Variants in KCNK9 observed in about 807,000 individuals in gnomAD.
The protein encoded by KCNK9 is potassium channel subfamily K member 9.
KCNK9 carries 1 observed loss-of-function variant against 10.8 expected under a neutral mutation model. That is an observed-to-expected ratio of 0.09 (90% CI 0.03 to 0.44). KCNK9 has a LOEUF of 0.44. Ranked by LOEUF, KCNK9 falls within the 20% of genes least tolerant of loss-of-function variation. KCNK9 has a pLI of 0.97. For synonymous variants in KCNK9, 231 were observed against 222.7 expected, an observed-to-expected ratio of 1.04 and a Z score of -0.33; for missense variants, 303 against 515.0, an observed-to-expected ratio of 0.59 and a Z score of 3.98.
At chr8:139,659,150 C>T (rs1300287817) in intron 1 of KCNK9, among the ~76,000 whole-genome samples, 1 of 152,248 alleles carries the variant, frequency 6.6e-6, no homozygotes, top group African/African-American at 2.4e-5. Flanking sequence ...AGAAACCGCT[C>T]TGGGACCTAA....
chr8:139,638,881 G>C (rs1815415270), intron 1 of KCNK9, among the ~76,000 whole-genome samples: 1 of 152,146 alleles, frequency 6.6e-6, no homozygotes, highest in South Asian at 2.1e-4. Context: ...AGGAGGCCTG[G>C]AGCGAGTCCA....
intron 1 of KCNK9, among the ~76,000 whole-genome samples, chr8:139,653,697 C>T (rs199991116): frequency 1.3e-5 from 2 of 152,196 alleles, no homozygotes; most frequent in East Asian, 3.9e-4. Flanking sequence ...AAACGCAAAT[C>T]AGACAACACA....
At chr8:139,615,381 T>C (rs1814554204), downstream of KCNK9, among the ~76,000 whole-genome samples, 1 of 152,176 alleles carries the variant, frequency 6.6e-6, no homozygotes, top group Non-Finnish European at 1.5e-5. Context: ...TGGGCATCTC[T>C]GTTTAGTGCT....
At chr8:139,608,553 G>A (rs149837075), downstream of KCNK9, among the ~76,000 whole-genome samples, 1 of 149,914 alleles carries the variant, frequency 6.7e-6, no homozygotes, top group African/African-American at 2.4e-5. Flanking sequence ...AGTGTGGGAG[G>A]GTTCAGCAGA....
chr8:139,679,025 G>T (rs1221501516), intron 1 of KCNK9, among the ~76,000 whole-genome samples: 1 of 152,196 alleles, frequency 6.6e-6, no homozygotes, highest in Non-Finnish European at 1.5e-5. Flanking sequence ...GTTAGGGTTT[G>T]CTTTGTTTTT....
chr8:139,665,500 C>G (rs1302343871), intron 1 of KCNK9, among the ~76,000 whole-genome samples: 1 of 152,234 alleles, frequency 6.6e-6, no homozygotes, highest in Admixed American at 6.5e-5. Flanking sequence ...TTAATTCCCC[C>G]TTGCTATGGA....
At chr8:139,660,868 T>G (rs7822827) in intron 1 of KCNK9, among the ~76,000 whole-genome samples, 38,034 of 151,954 alleles carry the variant, frequency 0.25, 5,118 homozygotes, top group South Asian at 0.36. Context: ...GCCTAAGAGC[T>G]AGCTGGTAGA....
At chr8:139,697,011 G>A (rs954973363) in intron 1 of KCNK9, among the ~76,000 whole-genome samples, 3 of 151,402 alleles carry the variant, frequency 2.0e-5, no homozygotes, top group Admixed American at 2.0e-4. Context: ...ATGGGTGGAC[G>A]GATGGATGGT....
At chr8:139,606,756 G>T (rs749911426) in intron 2 of KCNK9, among the ~76,000 whole-genome samples, 2 of 152,126 alleles carry the variant, frequency 1.3e-5, no homozygotes, top group African/African-American at 4.8e-5. Flanking sequence ...TCTCTGTCCC[G>T]TGTCTCTGTT....
chr8:139,604,156 G>A (rs1417717848), intron 2 of KCNK9, among the ~76,000 whole-genome samples: 1 of 152,218 alleles, frequency 6.6e-6, no homozygotes, highest in African/African-American at 2.4e-5. Context: ...CGCAGACTCT[G>A]ATTTCTTCCC....
At chr8:139,648,892 A>T (rs1422787621) in intron 1 of KCNK9, among the ~76,000 whole-genome samples, 2 of 152,178 alleles carry the variant, frequency 1.3e-5, no homozygotes, top group Non-Finnish European at 1.5e-5. Context: ...CTGGATTTTA[A>T]CCTGCAGCTT....
intron 1 of KCNK9, among the ~76,000 whole-genome samples, chr8:139,652,652 C>T (rs549334882): frequency 1.3e-5 from 2 of 152,158 alleles, no homozygotes; most frequent in East Asian, 3.9e-4. Flanking sequence ...TTCTGCCTTC[C>T]GAATGGGGGA....
At chr8:139,632,378 G>A (rs1815200838) in intron 1 of KCNK9, among the ~76,000 whole-genome samples, 2 of 152,218 alleles carry the variant, frequency 1.3e-5, no homozygotes, top group Non-Finnish European at 2.9e-5. Context: ...GAGTCTGATG[G>A]CAGCAAACTG....
chr8:139,625,767 G>C (rs1292732697), intron 1 of KCNK9, among the ~76,000 whole-genome samples: 1 of 151,920 alleles, frequency 6.6e-6, no homozygotes, highest in East Asian at 1.9e-4. Context: ...TTCCCAGAGG[G>C]GAGAGAGGCA....
chr8:139,631,437 C>T (rs1815168342), intron 1 of KCNK9, among the ~76,000 whole-genome samples: 1 of 152,182 alleles, frequency 6.6e-6, no homozygotes, highest in Admixed American at 6.5e-5. Flanking sequence ...AGCACGTTGC[C>T]TTTGTAAGCC....
chr8:139,698,256 C>T lies in KCNK9; in HGVS notation c.283+4454G>A, dbSNP rs573497178. ...GGTGAGTGCATGCGTGTGGAGGCTCCGTGCTCCTCTGGCACCAGCCTGTGG... is the reference window on the plus strand; with the variant it reads ...GGTGAGTGCATGCGTGTGGAGGCTCTGTGCTCCTCTGGCACCAGCCTGTGG... On this transcript the variant is annotated intron_variant, in intron 1 of 1. Transcript: ENST00000520439. Among the ~76,000 whole-genome samples, 6 of 152,246 alleles carry T rather than the reference C, an allele frequency of 3.9e-5. No individual in the cohort carries two copies. In the South Asian group the frequency reaches 8.3e-4, roughly 21 times the overall value.
rs756656552 is a variant in KCNK9 at position 139,618,381 on chromosome 8, G to A, written c.1002C>T (p.Ile334=). ...TTAATGTGCTTGGTGAGATCTCCTC[G>A]ATCTTGTAAGAGATGGAGTGGAAGT... The part of the protein sequence containing the change: ...PHYFHSISYK[I]EEISPSTLKN... Residue 334 remains isoleucine (I), a synonymous_variant, in exon 2 of 2, where the codon ATC becomes ATT. Transcript: ENST00000520439. This position sits in a 1 kb window ranked among gnomAD's most constrained non-coding sequence, Gnocchi z 7.9. 3.7e-6 allele frequency: 6 copies of A among 1,614,102 alleles called. No homozygotes were observed. In the South Asian group the frequency reaches 4.4e-5, roughly 12 times the overall value.
intron 1 of KCNK9, among the ~76,000 whole-genome samples, chr8:139,664,137 A>T (rs981579234): frequency 5.3e-5 from 8 of 152,264 alleles, no homozygotes; most frequent in African/African-American, 1.9e-4. Flanking sequence ...GGACAGACTG[A>T]CCGGGAGGGG....
intron 1 of KCNK9, among the ~76,000 whole-genome samples, chr8:139,681,986 C>A (rs891039311): frequency 6.6e-6 from 1 of 152,142 alleles, no homozygotes; most frequent in African/African-American, 2.4e-5. Context: ...CCACGGGAAC[C>A]AGACCAGGCC....
Sources: allele counts gnomAD v4.1 joint callset (sites outside exome capture counted in the v4.1 genomes callset), GRCh38; gene constraint gnomAD v4.1.1; non-coding constraint Gnocchi (gnomAD v3.1); transcripts MANE v1.5; gene names NCBI Gene and HGNC (gene_info 2026-07-23, HGNC 2026-07-21).